Variants in CNTN4 observed in about 807,000 individuals in gnomAD.
CNTN4 encodes the protein contactin 4.
Under a neutral mutation model 122.5 loss-of-function variants are expected in CNTN4, and 77 were observed. The ratio of observed to expected loss-of-function variants is 0.63; its 90% CI spans 0.52 to 0.76. CNTN4 has a LOEUF of 0.76. Among genes scored for constraint, CNTN4 ranks in the 30% least tolerant of loss-of-function variants. The pLI is 0.00. For synonymous variants in CNTN4, 512 were observed against 447.0 expected, an observed-to-expected ratio of 1.15 and a Z score of -1.83; for missense variants, 1,256 against 1,259.1, an observed-to-expected ratio of 1.00 and a Z score of 0.04.
intron 3 of CNTN4, among the ~76,000 whole-genome samples, chr3:2,390,476 C>T (rs2046404299): frequency 6.6e-6 from 1 of 152,182 alleles, no homozygotes; most frequent in East Asian, 1.9e-4. Flanking sequence ...GGTGTACATT[C>T]AATGTGCTTA....
intron 7 of CNTN4, among the ~76,000 whole-genome samples, chr3:2,829,944 A>G (rs1033892892): frequency 6.6e-6 from 1 of 152,226 alleles, no homozygotes; most frequent in African/African-American, 2.4e-5. Flanking sequence ...TTTTACAGCT[A>G]TAGCAAGTTC....
intron 23 of CNTN4, among the ~76,000 whole-genome samples, chr3:3,046,488 A>C (rs1481878453): frequency 1.3e-5 from 2 of 152,216 alleles, no homozygotes; most frequent in African/African-American, 2.4e-5. Context: ...ATTCTTAAAG[A>C]AAAGAATTTT....
In CNTN4 at chr3:2,658,023, A is replaced by G. The variant is rs985777048; in HGVS notation, c.56-78192A>G. 3.4e-5 allele frequency among the ~76,000 whole-genome samples: 5 copies of G among 147,108 alleles called. No homozygotes were observed. In the Admixed American group the frequency reaches 3.5e-4, roughly 10 times the overall value. ...GAAAGGATTATAATAGTAAATAGCT[A>G]TGTTTTATGAATGACATACTAGATA... On this transcript the variant is annotated intron_variant, in intron 4 of 24. Transcript: ENST00000418658.
chr3:2,998,124 T>C (rs944526330), intron 14 of CNTN4, among the ~76,000 whole-genome samples: 4 of 152,154 alleles, frequency 2.6e-5, no homozygotes, highest in African/African-American at 9.7e-5. Flanking sequence ...TCTGCCTCCA[T>C]TGGCTTTGTC....
At chr3:2,803,333 C>G (rs757208408) in intron 6 of CNTN4, among the ~76,000 whole-genome samples, 7 of 152,094 alleles carry the variant, frequency 4.6e-5, no homozygotes, top group Non-Finnish European at 7.4e-5. Context: ...AAAATTGTCC[C>G]AGCCATTTTA....
At chr3:2,513,964 T>C (rs1468334024) in intron 3 of CNTN4, among the ~76,000 whole-genome samples, 2 of 152,154 alleles carry the variant, frequency 1.3e-5, no homozygotes. Flanking sequence ...GTAAAGATAG[T>C]GCATCTCTGT....
At chr3:2,793,934 A>G (rs748425256) in intron 6 of CNTN4, among the ~76,000 whole-genome samples, 5 of 152,076 alleles carry the variant, frequency 3.3e-5, no homozygotes, top group Non-Finnish European at 5.9e-5. Flanking sequence ...AAAATGACCA[A>G]CTACTGCCTG....
intron 4 of CNTN4, among the ~76,000 whole-genome samples, chr3:2,711,766 A>G (rs1402767978): frequency 6.6e-6 from 1 of 152,236 alleles, no homozygotes; most frequent in Non-Finnish European, 1.5e-5. Flanking sequence ...TAGTAAAATT[A>G]GAAAACTTGT....
chr3:2,643,588 A>G (rs1299725808), intron 4 of CNTN4, among the ~76,000 whole-genome samples: 1 of 152,218 alleles, frequency 6.6e-6, no homozygotes, highest in Non-Finnish European at 1.5e-5. Context: ...TGCTGAGGAT[A>G]TAGCAGTAAA....
chr3:2,882,114 G>C (rs2093918221), intron 8 of CNTN4, among the ~76,000 whole-genome samples: 1 of 152,202 alleles, frequency 6.6e-6, no homozygotes, highest in Non-Finnish European at 1.5e-5. Flanking sequence ...TGTAATGCCA[G>C]CAATTTAGGA....
chr3:2,250,235 C>G (rs1357499), intron 2 of CNTN4, among the ~76,000 whole-genome samples: 27,357 of 151,774 alleles, frequency 0.18, 2,915 homozygotes, highest in South Asian at 0.34. Context: ...AATTAATAGA[C>G]TAGAGAAGAA....
At position 2,689,332 on chromosome 3, in the gene CNTN4, A is replaced by G. The variant is rs535573292; in HGVS notation, c.56-46883A>G. ...CTCTCAGCTATCTGCCACTAGAAAAAGAATCCTCACTGAAGTTATAACATC... is the reference window on the plus strand; with the variant it reads ...CTCTCAGCTATCTGCCACTAGAAAAGGAATCCTCACTGAAGTTATAACATC... On this transcript the variant is annotated intron_variant, in intron 4 of 24. Coordinates refer to ENST00000418658, the MANE Select transcript of CNTN4 (RefSeq NM_175607.3). 2.0e-4 allele frequency among the ~76,000 whole-genome samples: 31 copies of G among 152,276 alleles called. 1 individual carries two copies. Among genetic ancestry groups the G allele is most frequent in the African/African-American group, 7.2e-4 (30 of 41,566 alleles).
At chr3:2,713,401 A>G (rs2087274284) in intron 4 of CNTN4, among the ~76,000 whole-genome samples, 2 of 152,190 alleles carry the variant, frequency 1.3e-5, no homozygotes, top group Admixed American at 6.5e-5. Flanking sequence ...TTTACATTTG[A>G]TGAAGAGTGG....
At chr3:2,806,859 TTAGAAG>T (rs1355769741) in intron 6 of CNTN4, among the ~76,000 whole-genome samples, 3 of 152,164 alleles carry the variant, frequency 2.0e-5, no homozygotes, top group African/African-American at 7.2e-5. Flanking sequence ...CCTCCCACAC[TTAGAAG>T]TAGGATGGAA....
chr3:2,498,156 G>A (rs1419720122), intron 3 of CNTN4, among the ~76,000 whole-genome samples: 1 of 152,044 alleles, frequency 6.6e-6, no homozygotes, highest in Non-Finnish European at 1.5e-5. Context: ...TACTTATGGA[G>A]TTTGAATATA....
At chr3:2,824,117 A>G (rs1312902500) in intron 7 of CNTN4, among the ~76,000 whole-genome samples, 2 of 150,556 alleles carry the variant, frequency 1.3e-5, no homozygotes, top group Non-Finnish European at 2.9e-5. Context: ...TCACAAGCAT[A>G]TTCCGATTCC....
chr3:2,729,367 A>AC (rs1559437920), intron 4 of CNTN4, among the ~76,000 whole-genome samples: 1 of 148,872 alleles, frequency 6.7e-6, no homozygotes, highest in East Asian at 2.0e-4. Flanking sequence ...GATTGAGACC[A>AC]TCCCGGCTAA....
rs188925064 is a variant in CNTN4 at position 2,297,991 on chromosome 3, C to G, written c.-144-41187C>G. ...TAGCATCCTGCCTGCCTTGGCCTCC[C>G]AAAGGGTTGGGTTTTCAGGTGTGAG... On this transcript the variant is annotated intron_variant, in intron 2 of 24. Coordinates refer to ENST00000418658, the MANE Select transcript of CNTN4 (RefSeq NM_175607.3). Among the ~76,000 whole-genome samples the G allele has an allele frequency of 4.0e-3, 616 of 152,290 alleles. 4 individuals are homozygous for G. The highest frequency in any genetic ancestry group is 0.014 in the African/African-American group (589 of 41,556).
chr3:2,663,959 T>A (rs1407805917), intron 4 of CNTN4, among the ~76,000 whole-genome samples: 1 of 152,116 alleles, frequency 6.6e-6, no homozygotes, highest in Non-Finnish European at 1.5e-5. Context: ...TCTATTGAGA[T>A]AGAAAGACTA....
Sources: allele counts gnomAD v4.1 joint callset (sites outside exome capture counted in the v4.1 genomes callset), GRCh38; gene constraint gnomAD v4.1.1; transcripts MANE v1.5; gene names NCBI Gene and HGNC (gene_info 2026-07-23, HGNC 2026-07-21).